The following IMPG1 variants were observed in gnomAD, a reference collection of about 807,000 sequenced individuals.
IMPG1 encodes the protein interphotoreceptor matrix proteoglycan 1, also known as interphotoreceptor matrix proteoglycan of 150 kDa.
Under a neutral mutation model 92.0 loss-of-function variants are expected in IMPG1, and 85 were observed. The observed-to-expected ratio is 0.92, with a 90% CI of 0.78 to 1.11. The LOEUF (loss-of-function observed/expected upper bound fraction) is 1.11, where lower values mean the gene tolerates loss of function less well. Among genes scored for constraint, IMPG1 ranks in the 50% least tolerant of loss-of-function variants. The probability of loss-of-function intolerance (pLI) is 0.00; values close to 1 mark genes in which losing one functional copy is unlikely to be tolerated. For missense variants in IMPG1, 1,022 were observed against 956.0 expected (o/e 1.07, Z -0.91); for synonymous variants, 367 against 334.1 (o/e 1.10, Z -1.08).
intron 2 of IMPG1, among the ~76,000 whole-genome samples, chr6:76,036,934 C>T (rs866565075): frequency 1.2e-4 from 18 of 151,922 alleles, no homozygotes; most frequent in African/African-American, 3.9e-4. Flanking sequence ...GAAAAGCATG[C>T]GAGGGGATTA....
chr6:76,007,120 T>G (rs933804004), intron 9 of IMPG1, among the ~76,000 whole-genome samples: 1 of 152,194 alleles, frequency 6.6e-6, no homozygotes, highest in Non-Finnish European at 1.5e-5. Context: ...GTTGATTCCA[T>G]GTATGTGTGT....
At chr6:75,926,323 G>C (rs572128929) in intron 15 of IMPG1, among the ~76,000 whole-genome samples, 1 of 152,110 alleles carries the variant, frequency 6.6e-6, no homozygotes, top group African/African-American at 2.4e-5. Flanking sequence ...AACCTCCCCC[G>C]TAACCGAACC....
At chr6:76,027,662 A>G (rs1173389345) in intron 4 of IMPG1, among the ~76,000 whole-genome samples, 3 of 152,254 alleles carry the variant, frequency 2.0e-5, no homozygotes, top group Non-Finnish European at 4.4e-5. Flanking sequence ...GAACATATTG[A>G]CTATTCAAAA....
chr6:75,953,869 T>C lies in IMPG1; in HGVS notation c.1292-2775A>G, dbSNP rs193193019. ...TGAGTGAGAACATGCGGTGTTTGGT[T>C]TTCTGTTCTTGTGTTAGTTTGCTAA... On this transcript the variant is annotated intron_variant, in intron 12 of 16. Transcript: ENST00000369950. Among the ~76,000 whole-genome samples the C allele has an allele frequency of 5.9e-5, 9 of 152,264 alleles. No individual in the cohort carries two copies. The South Asian group carries it at 6.2e-4, about 11-fold the overall frequency.
chr6:76,041,883 C>T lies in IMPG1; in HGVS notation c.301+10G>A. On this transcript the variant is annotated intron_variant, in intron 2 of 16. Transcript: ENST00000369950. ...AACACAAGGCTAAACGGTTTCATCT[C>T]TTTCCTTACCTCTCAATCTATAATA... 6.4e-7 allele frequency: 1 copy of T among 1,553,278 alleles called. No homozygotes were observed.
chr6:75,935,029 T>G (rs1260156234), intron 14 of IMPG1: 1 of 470,726 alleles, frequency 2.1e-6, no homozygotes, highest in Non-Finnish European at 4.4e-6. Flanking sequence ...CTGGCTGGGC[T>G]GAGGTCCCGT....
At chr6:75,935,798 A>C (rs970621941) in intron 14 of IMPG1, among the ~76,000 whole-genome samples, 1 of 152,216 alleles carries the variant, frequency 6.6e-6, no homozygotes, top group African/African-American at 2.4e-5. Context: ...GTGCTCACGA[A>C]GTTAAGGTAT....
At chr6:75,943,136 CTG>C (rs375873757) in intron 14 of IMPG1, among the ~76,000 whole-genome samples, 253 of 152,166 alleles carry the variant, frequency 1.7e-3, no homozygotes, top group African/African-American at 5.4e-3. Flanking sequence ...GTTTGTGAAT[CTG>C]TGTTTGTGCA....
chr6:75,978,918 TG>T (rs1226549327), intron 12 of IMPG1, among the ~76,000 whole-genome samples: 6 of 152,058 alleles, frequency 3.9e-5, no homozygotes, highest in Non-Finnish European at 8.8e-5. Flanking sequence ...AACACTTTTT[TG>T]GGGGGTGGGG....
chr6:75,931,764 T>C (rs2149450518), intron 14 of IMPG1, among the ~76,000 whole-genome samples: 1 of 152,378 alleles, frequency 6.6e-6, no homozygotes, highest in South Asian at 2.1e-4. Flanking sequence ...TAGACTCACT[T>C]CTTTCTTGTC....
intron 12 of IMPG1, among the ~76,000 whole-genome samples, chr6:75,954,047 A>G (rs908553088): frequency 6.6e-6 from 1 of 152,196 alleles, no homozygotes; most frequent in African/African-American, 2.4e-5. Context: ...AGTCTTTGCT[A>G]TTGTGAACAT....
At chr6:75,991,761 G>A (rs1006801578) in intron 12 of IMPG1, among the ~76,000 whole-genome samples, 5 of 152,148 alleles carry the variant, frequency 3.3e-5, no homozygotes, top group African/African-American at 4.8e-5. Flanking sequence ...ATAATTAAGT[G>A]CATCCTGTCA....
intron 7 of IMPG1, among the ~76,000 whole-genome samples, chr6:76,014,426 C>T (rs990176236): frequency 2.0e-5 from 3 of 152,126 alleles, no homozygotes; most frequent in African/African-American, 7.2e-5. Flanking sequence ...CCACCCACAC[C>T]CTGCCATGGG....
chr6:76,024,768 T>A (rs561347649), intron 5 of IMPG1: 24 of 283,852 alleles, frequency 8.5e-5, no homozygotes, highest in Non-Finnish European at 1.5e-4. Context: ...GTTGATGACA[T>A]CCATATGGAT....
At chr6:76,025,381 A>T in intron 4 of IMPG1, 123 bp from the exon 5 acceptor site, 1 of 484,264 alleles carries the variant, frequency 2.1e-6, no homozygotes. Context: ...ATACTTTAAA[A>T]CTAGATTGAC....
At chr6:76,023,343 G>GAAT (rs1194447419) in intron 5 of IMPG1, among the ~76,000 whole-genome samples, 1 of 152,118 alleles carries the variant, frequency 6.6e-6, no homozygotes, top group Non-Finnish European at 1.5e-5. Context: ...GTAATTCTAT[G>GAAT]AATAATCGGT....
intron 7 of IMPG1, among the ~76,000 whole-genome samples, chr6:76,013,832 A>G (rs1269775121): frequency 6.6e-6 from 1 of 152,244 alleles, no homozygotes. Flanking sequence ...GAAGGACTAG[A>G]GCAGTGATAC....
intron 12 of IMPG1, among the ~76,000 whole-genome samples, chr6:75,959,544 C>T (rs574675031): frequency 8.1e-4 from 124 of 152,280 alleles, no homozygotes; most frequent in African/African-American, 2.8e-3. Context: ...GGGCTGCTGC[C>T]TTTCTTTCAG....
At chr6:76,031,467 C>T (rs1783652220) in intron 4 of IMPG1, among the ~76,000 whole-genome samples, 1 of 152,174 alleles carries the variant, frequency 6.6e-6, no homozygotes, top group Non-Finnish European at 1.5e-5. Context: ...AGGCTCTGGC[C>T]AATCAGAACA....
Sources: gnomAD v4.1 joint callset for allele counts (sites outside exome capture counted in the v4.1 genomes callset) on GRCh38, gnomAD v4.1.1 for gene constraint, MANE v1.5 for transcripts, NCBI Gene and HGNC (gene_info 2026-07-23, HGNC 2026-07-21) for gene names.